OGFOD3: variants seen among roughly 807,000 people sequenced by gnomAD.
OGFOD3 encodes 2-oxoglutarate and iron dependent oxygenase domain containing 3.
Under a neutral mutation model 39.8 loss-of-function variants are expected in OGFOD3, and 35 were observed. The observed-to-expected ratio is 0.88, with a 90% CI of 0.67 to 1.17. OGFOD3 has a LOEUF of 1.17. OGFOD3 is among the 50% of genes most tolerant of loss of function. The probability of loss-of-function intolerance (pLI) is 0.00; values close to 1 mark genes in which losing one functional copy is unlikely to be tolerated. For missense variants in OGFOD3, 438 were observed against 454.5 expected (o/e 0.96, Z 0.33); for synonymous variants, 200 against 192.0 (o/e 1.04, Z -0.34).
chr17:82,400,492 A>G (rs1181702465), intron 7 of OGFOD3, among the ~76,000 whole-genome samples: 2 of 152,232 alleles, frequency 1.3e-5, no homozygotes, highest in African/African-American at 2.4e-5. Context: ...AACAATTGCC[A>G]AAACTGTTTT....
Position 82,404,066 on chromosome 17 carries a change from G to A in OGFOD3, c.570C>T (p.Leu190=), listed in dbSNP as rs1262956959. 1.9e-6 allele frequency: 3 copies of A among 1,604,518 alleles called. No individual in the cohort carries two copies. The highest frequency in any genetic ancestry group is 2.6e-6 in the Non-Finnish European group (3 of 1,174,774). ...LYREVRQKVQ[L]TIAEAFGISA... ...TGATGCCAAAAGCCTCAGCAATGGT[G>A]AGCTGGACCTTCTGCCGCACCTCCC... is the stretch of plus-strand genomic sequence containing the variant. Residue 190 remains leucine, a synonymous_variant, in exon 7 of 9, where the codon CTC becomes CTT. Transcript: ENST00000313056. The surrounding 1 kb of genome is among the most constrained non-coding windows in gnomAD (Gnocchi z 4.5).
intron 3 of OGFOD3, 82 bp from the exon 4 acceptor site, chr17:82,409,492 T>C: frequency 8.0e-7 from 1 of 1,256,568 alleles, no homozygotes; most frequent in Non-Finnish European, 1.2e-6. Context: ...TCAGCAAAAT[T>C]AATGCAACAT....
At chr17:82,400,335 G>A (rs1335443997) in intron 7 of OGFOD3, among the ~76,000 whole-genome samples, 1 of 152,118 alleles carries the variant, frequency 6.6e-6, no homozygotes, top group Non-Finnish European at 1.5e-5. Context: ...TCCATGCCAG[G>A]CTCTGATTCT....
intron 7 of OGFOD3, among the ~76,000 whole-genome samples, chr17:82,402,884 T>C (rs1049973766): frequency 3.9e-5 from 6 of 152,110 alleles, no homozygotes; most frequent in Non-Finnish European, 5.9e-5. Flanking sequence ...TGAAACCCTG[T>C]GTCTACAAAA....
intron 7 of OGFOD3, 115 bp from the exon 8 acceptor site, chr17:82,398,434 C>G (rs1044563940): frequency 9.9e-6 from 13 of 1,318,844 alleles, no homozygotes; most frequent in Non-Finnish European, 1.3e-5. Flanking sequence ...GAGTCTTGCT[C>G]CATCACCCAG....
intron 1 of OGFOD3, among the ~76,000 whole-genome samples, chr17:82,417,618 CA>C (rs11413297): frequency 2.7e-4 from 35 of 127,546 alleles, no homozygotes; most frequent in Admixed American, 4.2e-4. Context: ...GCCTCTGTCT[CA>C]AAAAAAAAAA....
chr17:82,415,414 A>G lies in OGFOD3; in HGVS notation c.288T>C (p.Ser96=), dbSNP rs2053015349. The G allele has an allele frequency of 6.2e-7, 1 of 1,613,354 alleles. No individual in the cohort carries two copies. Among genetic ancestry groups the G allele is most frequent in the Non-Finnish European group, 8.5e-7 (1 of 1,179,454 alleles). The change falls in exon 2 of 9, where the codon AGT becomes AGC. Residue 96 remains serine (S), a synonymous_variant. Transcript: ENST00000313056. This position sits in a 1 kb window ranked among gnomAD's most constrained non-coding sequence, Gnocchi z 5.3. ...IEVPCSEDYD[S]HRRFEGCTPR... ...CTGAACTACCTTCGAACCTGCGGTG[A>G]CTGTCGTAGTCCTCAGAGCAGGGCA...
chr17:82,405,207 C>G, intron 6 of OGFOD3, 117 bp downstream of exon 6: 1 of 842,866 alleles, frequency 1.2e-6, no homozygotes, highest in Non-Finnish European at 1.9e-6. Flanking sequence ...CTTCTGCAGG[C>G]CTGGCCCTGG....
chr17:82,418,223 C>G (rs1457660957), intron 1 of OGFOD3, 189 bp downstream of exon 1: 1 of 437,360 alleles, frequency 2.3e-6, no homozygotes, highest in Non-Finnish European at 4.0e-6. Context: ...CCGCGGCTCC[C>G]GCCCGCACCT....
At chr17:82,401,475 T>A (rs1296706646) in intron 7 of OGFOD3, 1 of 151,846 alleles carries the variant, frequency 6.6e-6, no homozygotes, top group Non-Finnish European at 1.5e-5. Flanking sequence ...AGTAGCAGAG[T>A]GCCAAGATGG....
chr17:82,392,794 A>G lies in OGFOD3; in HGVS notation c.824-260T>C. 2.1e-6 allele frequency: 1 copy of G among 487,278 alleles called. No individual in the cohort carries two copies. The allele number at this position is 487,278 out of a possible 1,614,324, so 30.2% of individuals were successfully genotyped here. ...ACTCTGTGGTGGGCAGGACAGAGGA[A>G]GATGCTGCAGATGAGGCCACCACTG... On this transcript the variant is annotated intron_variant, in intron 8 of 8. Coordinates refer to ENST00000313056, the MANE Select transcript of OGFOD3 (RefSeq NM_024648.3). The surrounding 1 kb of genome is among the most constrained non-coding windows in gnomAD (Gnocchi z 4.2).
intron 7 of OGFOD3, among the ~76,000 whole-genome samples, chr17:82,403,482 A>C (rs1210709401): frequency 9.9e-5 from 15 of 152,222 alleles, no homozygotes. Context: ...AAATACAAAA[A>C]TTAGCGAGGC....
In OGFOD3 at chr17:82,418,417, C is replaced by G; in HGVS notation, c.69G>C (p.Arg23=). The G allele has an allele frequency of 5.4e-6, 8 of 1,479,270 alleles. No individual in the cohort carries two copies. The highest frequency in any genetic ancestry group is 2.5e-5 in the South Asian group (2 of 79,188). The allele number at this position is 1,479,270 out of a possible 1,614,324, so 91.6% of individuals were successfully genotyped here. The change falls in exon 1 of 9, where the codon CGG becomes CGC. Residue 23 remains arginine, a synonymous_variant. Transcript: ENST00000313056. ...EGNGAAERRN[R]SSTKKDRAPR... ...CTTCCCCTCCTCACCGCTACCTGCT[C>G]CGGTTCCGGCGCTCGGCCGCTCCGT...
rs2052943133 is a variant in OGFOD3, at chr17:82,411,539, G to T, written c.305-9C>A. The T allele has an allele frequency of 6.2e-7, 1 of 1,613,486 alleles. No individual in the cohort carries two copies. On this transcript the variant is annotated splice_polypyrimidine_tract_variant and intron_variant, in intron 2 of 8. Coordinates refer to ENST00000313056, the MANE Select transcript of OGFOD3 (RefSeq NM_024648.3). ...CTTTCGGGGAGTGCAGCCTGTGAAGGGACAGCCAGGGTGAGACGCAGTTTC... is the reference window on the plus strand; with the variant it reads ...CTTTCGGGGAGTGCAGCCTGTGAAGTGACAGCCAGGGTGAGACGCAGTTTC...
rs35623032 is a variant in OGFOD3 at position 82,413,878 on chromosome 17, C to CAAA, written c.304+1517_304+1519dup. Reference sequence around the variant, plus strand: ...GCAACACAGTGAGTGACACTCTGTCCAAAAAAAAAAAAAAGAAGAAAGAAA... The same window carrying CAAA: ...GCAACACAGTGAGTGACACTCTGTCCAAAAAAAAAAAAAAAAAGAAGAAAGAAA... On this transcript the variant is annotated intron_variant, in intron 2 of 8. Transcript: ENST00000313056. Among the ~76,000 whole-genome samples the CAAA allele has an allele frequency of 1.4e-3, 158 of 109,780 alleles. 1 individual carries two copies. The highest frequency in any genetic ancestry group is 0.013 in the East Asian group (58 of 4,554). The allele number at this position is 109,780 out of a possible 152,430, so 72.0% of individuals were successfully genotyped here.
chr17:82,391,763 C>T lies in OGFOD3; in HGVS notation c.*635G>A, dbSNP rs553092259. On this transcript the variant is annotated 3_prime_UTR_variant, in exon 9 of 9. Coordinates refer to ENST00000313056, the MANE Select transcript of OGFOD3 (RefSeq NM_024648.3). The surrounding 1 kb of genome is among the most constrained non-coding windows in gnomAD (Gnocchi z 5.1). The stretch of plus-strand genomic sequence containing the variant: ...ACCCTGGCCCTTGGGATGCTGGCCG[C>T]TGACAGGGCCAAGCCTGGTGTGGTG... The T allele has an allele frequency of 1.9e-4, 29 of 152,606 alleles. No homozygotes were observed. Among genetic ancestry groups the T allele is most frequent in the Non-Finnish European group, 3.9e-4 (27 of 68,368 alleles). The allele number at this position is 152,606 out of a possible 1,614,324, so 9.5% of individuals were successfully genotyped here. A position where few individuals can be genotyped will look rare whatever the true frequency, so the allele number is the denominator to read the frequency against.
At chr17:82,416,466 GC>G (rs1233648494) in intron 1 of OGFOD3, among the ~76,000 whole-genome samples, 3 of 151,986 alleles carry the variant, frequency 2.0e-5, no homozygotes, top group East Asian at 1.9e-4. Context: ...GCGGAGGTGA[GC>G]CCCCTACAGC....
At chr17:82,408,307 T>G (rs529526880) in intron 4 of OGFOD3, among the ~76,000 whole-genome samples, 1 of 152,320 alleles carries the variant, frequency 6.6e-6, no homozygotes, top group African/African-American at 2.4e-5. Context: ...GTCTATTCAG[T>G]GATTATAATT....
chr17:82,412,022 AC>A (rs2052954491), intron 2 of OGFOD3, among the ~76,000 whole-genome samples: 1 of 68,782 alleles, frequency 1.5e-5, no homozygotes, highest in South Asian at 6.1e-4. Flanking sequence ...TCCTGAGACC[AC>A]CAGAGAGGAA....
Sources: allele counts gnomAD v4.1 joint callset (sites outside exome capture counted in the v4.1 genomes callset), GRCh38; gene constraint gnomAD v4.1.1; non-coding constraint Gnocchi (gnomAD v3.1); transcripts MANE v1.5; gene names NCBI Gene and HGNC (gene_info 2026-07-23, HGNC 2026-07-21).